ANK1: variants seen among roughly 807,000 people sequenced by gnomAD.
ANK1 encodes ankyrin-1.
Under a neutral mutation model 210.4 loss-of-function variants are expected in ANK1, and 51 were observed. That is an observed-to-expected ratio of 0.24 (90% CI 0.19 to 0.31). The LOEUF (loss-of-function observed/expected upper bound fraction) is 0.31. Among genes scored for constraint, ANK1 ranks in the 10% least tolerant of loss-of-function variants. The pLI is 1.00. For synonymous variants in ANK1, 967 were observed against 1,025.9 expected, an observed-to-expected ratio of 0.94 and a Z score of 1.10; for missense variants, 2,051 against 2,504.4, an observed-to-expected ratio of 0.82 and a Z score of 3.86.
At chr8:41,738,595 C>T (rs1048926367) in intron 2 of ANK1, among the ~76,000 whole-genome samples, 1 of 152,154 alleles carries the variant, frequency 6.6e-6, no homozygotes, top group Non-Finnish European at 1.5e-5. Context: ...TTTTTCATTG[C>T]TCAAATGAGA....
chr8:41,847,291 G>A (rs748233436), intron 1 of ANK1, among the ~76,000 whole-genome samples: 8 of 152,206 alleles, frequency 5.3e-5, no homozygotes, highest in Non-Finnish European at 1.0e-4. Flanking sequence ...CAGCTCTAAG[G>A]TTTACCTGGG....
chr8:41,826,888 CATCT>C (rs922791875), intron 1 of ANK1, among the ~76,000 whole-genome samples: 6 of 152,288 alleles, frequency 3.9e-5, no homozygotes, highest in African/African-American at 1.2e-4. Flanking sequence ...CCCCTCCATC[CATCT>C]AAATCTTTCC....
chr8:41,664,699 G>A (rs906151602), intron 39 of ANK1: 14 of 1,162,358 alleles, frequency 1.2e-5, no homozygotes, highest in Admixed American at 6.1e-5. Context: ...CTTTTCCTCC[G>A]GCGTCTCCCA....
intron 6 of ANK1, 109 bp downstream of exon 6, chr8:41,725,652 C>T (rs779093240): frequency 7.6e-6 from 11 of 1,456,310 alleles, no homozygotes; most frequent in African/African-American, 1.4e-5. Flanking sequence ...GCGCACTGCC[C>T]GCCCTGCACG....
chr8:41,895,647 G>A (rs1420104822), intron 1 of ANK1, among the ~76,000 whole-genome samples: 1 of 152,120 alleles, frequency 6.6e-6, no homozygotes, highest in Non-Finnish European at 1.5e-5. Flanking sequence ...TGGAGCACCC[G>A]TGCCTGGCTT....
intron 1 of ANK1, among the ~76,000 whole-genome samples, chr8:41,808,588 C>G (rs1343612903): frequency 6.6e-6 from 1 of 151,990 alleles, no homozygotes; most frequent in African/African-American, 2.4e-5. Flanking sequence ...TCAAGTGAAC[C>G]CAGGAGGCGG....
At position 41,783,401 on chromosome 8, in the gene ANK1, G is replaced by A. The variant is rs148515930; in HGVS notation, c.27+14111C>T. ...CCCACCCTTTCCCGGGTCCTTCCCT[G>A]GAGCACCAAGGAGTGAATCTCTACT... On this transcript the variant is annotated intron_variant, in intron 1 of 42. Transcript: ENST00000289734. 1.2e-3 allele frequency among the ~76,000 whole-genome samples: 177 copies of A among 152,208 alleles called. 1 individual carries two copies. Among genetic ancestry groups the A allele is most frequent in the Admixed American group, 4.1e-3 (62 of 15,286 alleles).
chr8:41,739,136 C>T (rs1256890597), intron 2 of ANK1, among the ~76,000 whole-genome samples: 2 of 152,188 alleles, frequency 1.3e-5, no homozygotes, highest in Admixed American at 1.3e-4. Flanking sequence ...CTTGGCTACT[C>T]TGTTTTGGTT....
chr8:41,862,064 G>A (rs1813371202), intron 1 of ANK1, among the ~76,000 whole-genome samples: 1 of 152,142 alleles, frequency 6.6e-6, no homozygotes, highest in African/African-American at 2.4e-5. Flanking sequence ...ACTTGGAACT[G>A]GAACAAAATT....
chr8:41,699,674 C>CTCCCAGTCTCCT, intron 22 of ANK1, 126 bp from the exon 23 acceptor site: 1 of 859,294 alleles, frequency 1.2e-6, no homozygotes, highest in Non-Finnish European at 1.9e-6. Flanking sequence ...GGTCTTGATG[C>CTCCCAGTCTCCT]TGCAAGGAGA....
At chr8:41,853,828 A>G (rs1319613936) in intron 1 of ANK1, among the ~76,000 whole-genome samples, 1 of 152,164 alleles carries the variant, frequency 6.6e-6, no homozygotes, top group Non-Finnish European at 1.5e-5. Flanking sequence ...TGGTGCGATC[A>G]TAGCTCACTG....
chr8:41,693,416 A>ATTTTTTTTTTT, intron 29 of ANK1, among the ~76,000 whole-genome samples: 1 of 86,874 alleles, frequency 1.2e-5, no homozygotes, highest in Non-Finnish European at 2.3e-5. Flanking sequence ...AGGGGCATGG[A>ATTTTTTTTTTT]CTTTTTTTTT....
chr8:41,653,307 G>A lies in ANK1; in HGVS notation c.*2483C>T, dbSNP rs1225190674. On this transcript the variant is annotated 3_prime_UTR_variant, in exon 43 of 43. Transcript: ENST00000289734. ...TGGTCTATACATCAGAGTAGGGTAG[G>A]GGATTCTCTCCCATAACAGAGCATG... is the stretch of plus-strand genomic sequence containing the variant. 1.3e-5 allele frequency: 2 copies of A among 152,592 alleles called. No individual in the cohort carries two copies. Among genetic ancestry groups the A allele is most frequent in the African/African-American group, 4.8e-5 (2 of 41,420 alleles). The allele number at this position is 152,592 out of a possible 1,614,324, so 9.5% of individuals were successfully genotyped here.
chr8:41,887,146 T>G (rs1460637687), intron 1 of ANK1, among the ~76,000 whole-genome samples: 2 of 151,980 alleles, frequency 1.3e-5, no homozygotes, highest in African/African-American at 4.8e-5. Flanking sequence ...CCTGCTACCC[T>G]CTTAGACAGG....
chr8:41,723,474 T>C, intron 8 of ANK1, 61 bp downstream of exon 8: 2 of 1,581,606 alleles, frequency 1.3e-6, no homozygotes, highest in East Asian at 2.2e-5. Flanking sequence ...CTGCTCTGGG[T>C]GAGGCTTGTG....
rs1272764825 is a variant in ANK1, at chr8:41,846,790, C to T, written c.126+49565G>A. The stretch of plus-strand genomic sequence containing the variant: ...ACGGCCCTCATCTGGACCCCTTTTT[C>T]CCACACCCTCCCACCCTGCTCTGCA... On this transcript the variant is annotated intron_variant, in intron 1 of 42. Transcript: ENST00000265709. Among the ~76,000 whole-genome samples, 5 of 152,200 alleles carry T rather than the reference C, an allele frequency of 3.3e-5. No individual in the cohort carries two copies. The South Asian group carries it at 6.2e-4, about 19-fold the overall frequency.
At position 41,870,561 on chromosome 8, in the gene ANK1, G is replaced by T. The variant is rs1280975379; in HGVS notation, c.126+25794C>A. On this transcript the variant is annotated intron_variant, in intron 1 of 42. Transcript: ENST00000265709. Reference sequence around the variant, plus strand: ...GCTCTAGCCCCATGGATCACGGAAGGAGCTGTATGAGAAATGTGAGGTTAC... The same window carrying T: ...GCTCTAGCCCCATGGATCACGGAAGTAGCTGTATGAGAAATGTGAGGTTAC... 2.6e-5 allele frequency among the ~76,000 whole-genome samples: 4 copies of T among 152,354 alleles called. No individual in the cohort carries two copies. The East Asian group carries it at 7.7e-4, about 29-fold the overall frequency.
chr8:41,833,968 G>A (rs1246877895), intron 1 of ANK1, among the ~76,000 whole-genome samples: 1 of 152,194 alleles, frequency 6.6e-6, no homozygotes, highest in Non-Finnish European at 1.5e-5. Context: ...CAGGCAGAGG[G>A]CCCTGCGTGG....
chr8:41,878,334 T>C (rs576010726), intron 1 of ANK1, among the ~76,000 whole-genome samples: 4 of 152,244 alleles, frequency 2.6e-5, no homozygotes, highest in Non-Finnish European at 5.9e-5. Flanking sequence ...ACCTCTGATA[T>C]ATGGATCATC....
Sources: gnomAD v4.1 joint callset for allele counts (sites outside exome capture counted in the v4.1 genomes callset) on GRCh38, gnomAD v4.1.1 for gene constraint, MANE v1.5 for transcripts, NCBI Gene and HGNC (gene_info 2026-07-23, HGNC 2026-07-21) for gene names.